PDE8B: variants seen among roughly 807,000 people sequenced by gnomAD.
The protein encoded by PDE8B is high affinity cAMP-specific and IBMX-insensitive 3',5'-cyclic phosphodiesterase 8B.
Under a neutral mutation model 101.3 loss-of-function variants are expected in PDE8B, and 26 were observed. The observed-to-expected ratio is 0.26, with a 90% CI of 0.19 to 0.36. PDE8B has a LOEUF of 0.36. Among genes scored for constraint, PDE8B ranks in the 10% least tolerant of loss-of-function variants. PDE8B has a pLI of 1.00. For synonymous variants in PDE8B, 424 were observed against 429.3 expected, an observed-to-expected ratio of 0.99 and a Z score of 0.15; for missense variants, 810 against 1,163.1, an observed-to-expected ratio of 0.70 and a Z score of 4.42.
At chr5:77,403,352 C>A (rs1039993929) in intron 11 of PDE8B, among the ~76,000 whole-genome samples, 1 of 152,102 alleles carries the variant, frequency 6.6e-6, no homozygotes, top group African/African-American at 2.4e-5. Context: ...AAACTGTTTT[C>A]TTCCTTTCCT....
intron 1 of PDE8B, among the ~76,000 whole-genome samples, chr5:77,259,074 G>GC (rs900637640): frequency 0.029 from 672 of 23,044 alleles, 23 homozygotes; most frequent in African/African-American, 0.043. Flanking sequence ...ACACACCCCC[G>GC]CCCCCCCCCC....
the PDE8B span, among the ~76,000 whole-genome samples, chr5:77,128,163 T>A: frequency 6.6e-6 from 1 of 152,216 alleles, no homozygotes; most frequent in Non-Finnish European, 1.5e-5. Context: ...AGTTACCACT[T>A]GACCCAGAGC....
At chr5:77,157,671 G>A in the PDE8B span, among the ~76,000 whole-genome samples, 1 of 152,152 alleles carries the variant, frequency 6.6e-6, no homozygotes, top group Admixed American at 6.5e-5. Flanking sequence ...GCATACAATA[G>A]GTGCTTAATA....
Position 77,378,048 on chromosome 5 carries a change from A to ACACACACACACC in PDE8B, c.1168-22199_1168-22198insACACACACACCC, listed in dbSNP as rs1347483439. On this transcript the variant is annotated intron_variant, in intron 10 of 21. Coordinates refer to ENST00000264917, the MANE Select transcript of PDE8B (RefSeq NM_003719.5). ...CACACACACACACACACACACACACACCCCCTGTTGGTTCTTTGTCTAGAG... is the reference window on the plus strand; with the variant it reads ...CACACACACACACACACACACACACACACACACACACCCCCCCTGTTGGTTCTTTGTCTAGAG... Among the ~76,000 whole-genome samples, 17 of 93,952 alleles carry ACACACACACACC rather than the reference A, an allele frequency of 1.8e-4. No homozygotes were observed. In the South Asian group the frequency reaches 2.4e-3, roughly 13 times the overall value. The allele number at this position is 93,952 out of a possible 152,430, so 61.6% of individuals were successfully genotyped here.
chr5:77,279,961 T>A (rs535860435), intron 1 of PDE8B, among the ~76,000 whole-genome samples: 2 of 152,340 alleles, frequency 1.3e-5, no homozygotes, highest in East Asian at 3.9e-4. Flanking sequence ...TTTCATTGCA[T>A]GCCTTTCCCT....
chr5:77,321,874 GT>G (rs1052786096), intron 2 of PDE8B, among the ~76,000 whole-genome samples: 37 of 152,116 alleles, frequency 2.4e-4, no homozygotes, highest in African/African-American at 7.7e-4. Context: ...TATTATTCAG[GT>G]ATGGTAAGGC....
intron 17 of PDE8B, among the ~76,000 whole-genome samples, chr5:77,413,915 C>T (rs1032551840): frequency 1.5e-4 from 23 of 152,144 alleles, no homozygotes; most frequent in African/African-American, 5.6e-4. Context: ...ATAAGGGCAG[C>T]CCTATTTAAA....
the PDE8B span, among the ~76,000 whole-genome samples, chr5:77,150,310 G>A: frequency 1.3e-5 from 2 of 152,182 alleles, no homozygotes; most frequent in African/African-American, 4.8e-5. Flanking sequence ...CCATCCTGCA[G>A]GACATAGAAT....
intron 1 of PDE8B, among the ~76,000 whole-genome samples, chr5:77,235,475 G>C (rs185607745): frequency 6.6e-6 from 1 of 152,120 alleles, no homozygotes; most frequent in Non-Finnish European, 1.5e-5. Flanking sequence ...TGCAGATCAA[G>C]GATTAGGAGA....
intron 10 of PDE8B, among the ~76,000 whole-genome samples, chr5:77,366,383 G>T (rs1784146542): frequency 1.3e-5 from 2 of 152,320 alleles, no homozygotes; most frequent in South Asian, 4.1e-4. Flanking sequence ...AGTGTTCTGG[G>T]TAAGCAGTTG....
chr5:77,314,403 T>A (rs1773336687), intron 2 of PDE8B, among the ~76,000 whole-genome samples: 1 of 152,158 alleles, frequency 6.6e-6, no homozygotes. Flanking sequence ...AGGACCATTT[T>A]GTCAATTTCT....
At chr5:77,230,499 C>T (rs1040529486) in intron 1 of PDE8B, among the ~76,000 whole-genome samples, 4 of 152,312 alleles carry the variant, frequency 2.6e-5, no homozygotes, top group Non-Finnish European at 5.9e-5. Flanking sequence ...TGGAATCTCT[C>T]TCTCTTGCCT....
intron 21 of PDE8B, 53 bp from the exon 22 acceptor site, chr5:77,426,392 G>A (rs1325384274): frequency 1.5e-5 from 18 of 1,181,920 alleles, no homozygotes; most frequent in Non-Finnish European, 2.1e-5. Context: ...GCTTATAAAT[G>A]CTCCTGGGGT....
intron 1 of PDE8B, among the ~76,000 whole-genome samples, chr5:77,299,276 A>ATT (rs368652323): frequency 0.16 from 23,074 of 147,740 alleles, 1,843 homozygotes; most frequent in East Asian, 0.29. Flanking sequence ...GTTTTATTTT[A>ATT]TTATTATTAT....
chr5:77,376,026 G>A (rs1261522995), intron 10 of PDE8B, among the ~76,000 whole-genome samples: 1 of 151,442 alleles, frequency 6.6e-6, no homozygotes, highest in African/African-American at 2.4e-5. Context: ...CTGCGTAGCT[G>A]GGATTACAGG....
chr5:77,379,916 C>CT (rs1787133951), intron 10 of PDE8B, among the ~76,000 whole-genome samples: 1 of 152,188 alleles, frequency 6.6e-6, no homozygotes, highest in Admixed American at 6.5e-5. Context: ...GATCACATCT[C>CT]TTTATCCAGC....
chr5:77,134,959 G>A, the PDE8B span, among the ~76,000 whole-genome samples: 10 of 152,308 alleles, frequency 6.6e-5, no homozygotes, highest in Admixed American at 5.2e-4. Context: ...CTGCTTAGAT[G>A]TCCCTTTAAG....
rs552055621 is a variant in PDE8B, at chr5:77,310,013, G to A, written c.340-1981G>A. On this transcript the variant is annotated intron_variant, in intron 1 of 21. Coordinates refer to ENST00000264917, the MANE Select transcript of PDE8B (RefSeq NM_003719.5). Reference sequence around the variant, plus strand: ...TGCCCAGGCTGGAGCGCAATGGCACGGTTTCGGCTTACTGCAACCTCTGCC... The same window carrying A: ...TGCCCAGGCTGGAGCGCAATGGCACAGTTTCGGCTTACTGCAACCTCTGCC... 1.7e-3 allele frequency among the ~76,000 whole-genome samples: 230 copies of A among 139,232 alleles called. 1 individual carries two copies. The highest frequency in any genetic ancestry group is 6.1e-3 in the African/African-American group (221 of 36,384). 91.3% of individuals were successfully genotyped at this position (139,232 alleles called of 152,430 possible).
intron 1 of PDE8B, chr5:77,291,650 G>T: frequency 6.3e-7 from 1 of 1,596,454 alleles, no homozygotes; most frequent in Non-Finnish European, 8.6e-7. Flanking sequence ...CAACAAGTGG[G>T]GCTGAGATTG....
Sources: gnomAD v4.1 joint callset for allele counts (sites outside exome capture counted in the v4.1 genomes callset) on GRCh38, gnomAD v4.1.1 for gene constraint, MANE v1.5 for transcripts, NCBI Gene and HGNC (gene_info 2026-07-23, HGNC 2026-07-21) for gene names.